DCC: variants seen among roughly 807,000 people sequenced by gnomAD.
DCC encodes DCC netrin 1 receptor.
In DCC, 58 loss-of-function variants were observed where a neutral mutation model predicts 172.5. The ratio of observed to expected loss-of-function variants is 0.34; its 90% CI spans 0.27 to 0.42. The LOEUF (loss-of-function observed/expected upper bound fraction) is 0.42. DCC is among the 10% of genes least tolerant of loss of function. The pLI, the probability that DCC is intolerant of heterozygous loss-of-function variation, is 1.00. For missense variants in DCC, 1,740 were observed against 1,791.0 expected (o/e 0.97, Z 0.51); for synonymous variants, 709 against 644.5 (o/e 1.10, Z -1.52).
At chr18:52,686,170 C>A (rs2035830731) in intron 1 of DCC, among the ~76,000 whole-genome samples, 1 of 152,086 alleles carries the variant, frequency 6.6e-6, no homozygotes, top group African/African-American at 2.4e-5. Flanking sequence ...AATATGATGG[C>A]AGTGCATGCT....
At chr18:53,327,710 A>G (rs923637863) in intron 14 of DCC, among the ~76,000 whole-genome samples, 1 of 152,148 alleles carries the variant, frequency 6.6e-6, no homozygotes, top group Non-Finnish European at 1.5e-5. Flanking sequence ...AATTCATTTC[A>G]TTTAAGAATT....
chr18:52,975,397 C>G (rs116340841), intron 5 of DCC, among the ~76,000 whole-genome samples: 1 of 151,968 alleles, frequency 6.6e-6, no homozygotes, highest in Non-Finnish European at 1.5e-5. Context: ...GGTACTCGTG[C>G]GGGTTTGTTG....
At chr18:53,054,438 T>A (rs1046242809) in intron 5 of DCC, among the ~76,000 whole-genome samples, 2 of 152,126 alleles carry the variant, frequency 1.3e-5, no homozygotes, top group Non-Finnish European at 2.9e-5. Flanking sequence ...AAGCCATCAA[T>A]AGCACATGAA....
In DCC at chr18:53,213,635, G is replaced by T. The variant is rs1228297806; in HGVS notation, c.1862-1913G>T. 2.7e-5 allele frequency among the ~76,000 whole-genome samples: 3 copies of T among 109,174 alleles called. No individual in the cohort carries two copies. In the Admixed American group the frequency reaches 3.9e-4, roughly 14 times the overall value. The allele number at this position is 109,174 out of a possible 152,430, so 71.6% of individuals were successfully genotyped here. On this transcript the variant is annotated intron_variant, in intron 11 of 28. Coordinates refer to ENST00000442544, the MANE Select transcript of DCC (RefSeq NM_005215.4). ...TGCACTCCAGCCTGGGTGACAGAGC[G>T]AGACTCCGTCTCAAAAAAAAAAAAA... is the stretch of plus-strand genomic sequence containing the variant.
intron 25 of DCC, among the ~76,000 whole-genome samples, chr18:53,470,896 G>A (rs1015865247): frequency 3.3e-5 from 5 of 152,172 alleles, no homozygotes; most frequent in African/African-American, 1.2e-4. Context: ...TGAGATTTGG[G>A]TGGGGACACA....
intron 7 of DCC, among the ~76,000 whole-genome samples, chr18:53,109,737 T>C (rs976598543): frequency 2.0e-4 from 31 of 151,650 alleles, no homozygotes; most frequent in African/African-American, 7.0e-4. Context: ...ACTGCTGATA[T>C]CTAGTAAGTA....
chr18:53,020,227 A>C lies in DCC; in HGVS notation c.986-43078A>C, dbSNP rs560330226. 2.0e-5 allele frequency among the ~76,000 whole-genome samples: 3 copies of C among 152,284 alleles called. No homozygotes were observed. The East Asian group carries it at 5.8e-4, about 29-fold the overall frequency. On this transcript the variant is annotated intron_variant, in intron 5 of 28. Transcript: ENST00000442544. ...AAAAAAAACCCAAATGTTTTAGGGC[A>C]ATTTATGCCCAAAACATACTTTTGG...
chr18:53,385,666 G>T (rs1908109669), intron 15 of DCC, among the ~76,000 whole-genome samples: 1 of 152,140 alleles, frequency 6.6e-6, no homozygotes, highest in South Asian at 2.1e-4. Context: ...CTGTTTTTAG[G>T]TTTGATGCTT....
At chr18:53,224,420 A>G (rs559964095) in intron 12 of DCC, among the ~76,000 whole-genome samples, 32 of 152,296 alleles carry the variant, frequency 2.1e-4, no homozygotes, top group African/African-American at 7.5e-4. Context: ...GTAGGGTGTG[A>G]TAAAAGTTGG....
intron 12 of DCC, among the ~76,000 whole-genome samples, chr18:53,290,244 T>C (rs1220366098): frequency 6.6e-6 from 1 of 152,212 alleles, no homozygotes; most frequent in Non-Finnish European, 1.5e-5. Flanking sequence ...TTAGGATGCC[T>C]GAAGTCTTCA....
intron 1 of DCC, among the ~76,000 whole-genome samples, chr18:52,526,295 T>C (rs908175129): frequency 2.6e-5 from 4 of 152,128 alleles, no homozygotes; most frequent in African/African-American, 7.2e-5. Context: ...AGGAGACAGA[T>C]GGCCAATGGC....
At chr18:53,518,278 A>AAGT (rs951317168) in intron 27 of DCC, among the ~76,000 whole-genome samples, 65 of 152,236 alleles carry the variant, frequency 4.3e-4, no homozygotes, top group African/African-American at 1.6e-3. Context: ...ATGGAAAATG[A>AAGT]AGTAGGAAAT....
intron 1 of DCC, among the ~76,000 whole-genome samples, chr18:52,636,206 C>T (rs2034777348): frequency 6.6e-6 from 1 of 152,154 alleles, no homozygotes; most frequent in African/African-American, 2.4e-5. Context: ...CCGCTGGGTT[C>T]TGGAGCAGGC....
chr18:53,102,515 A>G (rs1187331568), intron 7 of DCC, among the ~76,000 whole-genome samples: 1 of 152,068 alleles, frequency 6.6e-6, no homozygotes, highest in African/African-American at 2.4e-5. Flanking sequence ...TTTGATGTAT[A>G]TGTATTTCCA....
intron 7 of DCC, among the ~76,000 whole-genome samples, chr18:53,136,984 C>A (rs1198335038): frequency 6.6e-6 from 1 of 152,142 alleles, no homozygotes; most frequent in Admixed American, 6.6e-5. Flanking sequence ...ATTCGGAAGA[C>A]ATTTGAGTTT....
chr18:52,736,670 G>A lies in DCC; in HGVS notation c.92-15384G>A, dbSNP rs543429491. ...TATAGTTTTTAAAATTACAATCCTA[G>A]TACATATTATACAAATAAAAATGTT... On this transcript the variant is annotated intron_variant, in intron 1 of 28. Coordinates refer to ENST00000442544, the MANE Select transcript of DCC (RefSeq NM_005215.4). Among the ~76,000 whole-genome samples, 12 of 152,198 alleles carry A rather than the reference G, an allele frequency of 7.9e-5. 1 individual carries two copies. Among genetic ancestry groups the A allele is most frequent in the Admixed American group, 7.9e-4 (12 of 15,286 alleles).
intron 12 of DCC, among the ~76,000 whole-genome samples, chr18:53,285,836 C>A (rs560598225): frequency 6.6e-6 from 1 of 152,352 alleles, no homozygotes; most frequent in African/African-American, 2.4e-5. Context: ...CCACCTCTTG[C>A]ATCAGCATGA....
In DCC at chr18:53,427,881, TATATA is replaced by T. The variant is rs1419061441; in HGVS notation, c.3164-7254_3164-7250del. On this transcript the variant is annotated intron_variant, in intron 21 of 28. Transcript: ENST00000442544. Reference sequence around the variant, plus strand: ...TATATATAATATATAAATATATACATATATAATATAATAAATTATATATAATATAT... The same window carrying T: ...TATATATAATATATAAATATATACATATATAATAAATTATATATAATATAT... Among the ~76,000 whole-genome samples the T allele has an allele frequency of 6.0e-5, 2 of 33,132 alleles. 1 individual carries two copies. Among genetic ancestry groups the T allele is most frequent in the Admixed American group, 7.7e-4 (2 of 2,606 alleles). The allele number at this position is 33,132 out of a possible 152,430, so 21.7% of individuals were successfully genotyped here. A position where few individuals can be genotyped will look rare whatever the true frequency, so the allele number is the denominator to read the frequency against.
chr18:52,434,224 G>A (rs890825212), intron 1 of DCC, among the ~76,000 whole-genome samples: 1 of 152,186 alleles, frequency 6.6e-6, no homozygotes, highest in Non-Finnish European at 1.5e-5. Flanking sequence ...CACCACTGGT[G>A]TAAAGAGAAA....
Sources: gnomAD v4.1 joint callset for allele counts (sites outside exome capture counted in the v4.1 genomes callset) on GRCh38, gnomAD v4.1.1 for gene constraint, MANE v1.5 for transcripts, NCBI Gene and HGNC (gene_info 2026-07-23, HGNC 2026-07-21) for gene names.